The following ITGA9 variants were observed in gnomAD, a reference collection of about 807,000 sequenced individuals.
ITGA9 encodes the protein integrin subunit alpha 9.
Under a neutral mutation model 127.8 loss-of-function variants are expected in ITGA9, and 56 were observed. The ratio of observed to expected loss-of-function variants is 0.44; its 90% CI spans 0.35 to 0.55. The LOEUF (loss-of-function observed/expected upper bound fraction) is 0.55. Among genes scored for constraint, ITGA9 ranks in the 20% least tolerant of loss-of-function variants. The probability of loss-of-function intolerance (pLI) is 0.00; values close to 1 mark genes in which losing one functional copy is unlikely to be tolerated. For missense variants in ITGA9, 1,196 were observed against 1,347.1 expected (o/e 0.89, Z 1.76); for synonymous variants, 508 against 514.5 (o/e 0.99, Z 0.17).
chr3:37,719,239 C>G (rs915326008), intron 18 of ITGA9, among the ~76,000 whole-genome samples: 1 of 152,066 alleles, frequency 6.6e-6, no homozygotes, highest in Non-Finnish European at 1.5e-5. Flanking sequence ...GAAGTGGATA[C>G]CAGTTCTTTA....
chr3:37,770,051 G>T (rs1454080486), intron 23 of ITGA9, among the ~76,000 whole-genome samples: 2 of 152,148 alleles, frequency 1.3e-5, no homozygotes, highest in African/African-American at 4.8e-5. Flanking sequence ...CTGTAAAAAG[G>T]GGTGGAATTT....
At chr3:37,760,815 A>G (rs553628558) in intron 23 of ITGA9, among the ~76,000 whole-genome samples, 3 of 152,336 alleles carry the variant, frequency 2.0e-5, no homozygotes, top group Non-Finnish European at 2.9e-5. Flanking sequence ...ACAAATTTAA[A>G]CCTATAAAAA....
intron 15 of ITGA9, among the ~76,000 whole-genome samples, chr3:37,547,219 G>A (rs970526868): frequency 1.3e-5 from 2 of 152,212 alleles, no homozygotes; most frequent in African/African-American, 2.4e-5. Context: ...CTAGACGAGG[G>A]AATATGCACA....
chr3:37,812,181 TG>T (rs1407512378), intron 27 of ITGA9, among the ~76,000 whole-genome samples: 3 of 152,146 alleles, frequency 2.0e-5, no homozygotes, highest in Non-Finnish European at 4.4e-5. Context: ...TGACATTCAG[TG>T]GGGGCTTGTT....
chr3:37,471,857 C>T (rs916841926), intron 2 of ITGA9, among the ~76,000 whole-genome samples: 2 of 152,120 alleles, frequency 1.3e-5, no homozygotes, highest in African/African-American at 4.8e-5. Flanking sequence ...AGTTCAAGAC[C>T]AGCCTGTGCA....
chr3:37,564,789 C>A (rs1559537898), intron 15 of ITGA9, among the ~76,000 whole-genome samples: 1 of 152,230 alleles, frequency 6.6e-6, no homozygotes, highest in Non-Finnish European at 1.5e-5. Flanking sequence ...CACAGCAGAA[C>A]TCCCAGCCAG....
intron 3 of ITGA9, 40 bp downstream of exon 3, chr3:37,473,500 C>T: frequency 6.9e-7 from 1 of 1,444,680 alleles, no homozygotes; most frequent in Non-Finnish European, 9.7e-7. Flanking sequence ...GGGGGTGGCA[C>T]TCTGAGAATG....
intron 15 of ITGA9, among the ~76,000 whole-genome samples, chr3:37,563,051 C>G (rs1340947261): frequency 1.3e-5 from 2 of 151,978 alleles, no homozygotes; most frequent in Non-Finnish European, 2.9e-5. Flanking sequence ...ACTAATTGCC[C>G]AATAAATGTT....
intron 1 of ITGA9, among the ~76,000 whole-genome samples, chr3:37,465,003 A>G (rs189037717): frequency 2.6e-5 from 4 of 152,362 alleles, no homozygotes; most frequent in Admixed American, 2.6e-4. Flanking sequence ...AATTTGACTC[A>G]TGTAACCAAA....
chr3:37,591,239 A>G (rs2125615240), intron 15 of ITGA9, among the ~76,000 whole-genome samples: 1 of 152,330 alleles, frequency 6.6e-6, no homozygotes, highest in East Asian at 1.9e-4. Context: ...TGAAAACGAA[A>G]GCTATTGTTT....
chr3:37,768,870 T>C lies in ITGA9; in HGVS notation c.2542-8522T>C, dbSNP rs553820462. Among the ~76,000 whole-genome samples the C allele has an allele frequency of 2.0e-5, 3 of 152,194 alleles. No individual in the cohort carries two copies. The South Asian group carries it at 6.2e-4, about 32-fold the overall frequency. The stretch of plus-strand genomic sequence containing the variant: ...GGAACACTACTGTCATTCAGTTTGT[T>C]CCTCTGCTAATTTAATCTTCCATTT... On this transcript the variant is annotated intron_variant, in intron 23 of 27. Coordinates refer to ENST00000264741, the MANE Select transcript of ITGA9 (RefSeq NM_002207.3).
chr3:37,563,316 A>G (rs1010534468), intron 15 of ITGA9, among the ~76,000 whole-genome samples: 1 of 152,212 alleles, frequency 6.6e-6, no homozygotes, highest in Non-Finnish European at 1.5e-5. Flanking sequence ...GAGATTGCCT[A>G]TCTACATTTT....
intron 3 of ITGA9, among the ~76,000 whole-genome samples, chr3:37,479,122 C>T (rs923721801): frequency 3.3e-5 from 5 of 152,118 alleles, no homozygotes; most frequent in Admixed American, 2.0e-4. Flanking sequence ...AACTGATTTA[C>T]CCACAAATTA....
At chr3:37,657,727 T>G (rs1160218135) in intron 17 of ITGA9, among the ~76,000 whole-genome samples, 1 of 152,112 alleles carries the variant, frequency 6.6e-6, no homozygotes, top group African/African-American at 2.4e-5. Context: ...TTTCTTGTCT[T>G]CTGCTAGCTT....
At position 37,621,957 on chromosome 3, in the gene ITGA9, C is replaced by G. The variant is rs1282498542; in HGVS notation, c.1690-7230C>G. Among the ~76,000 whole-genome samples the G allele has an allele frequency of 3.3e-5, 5 of 152,096 alleles. No individual in the cohort carries two copies. In the East Asian group the frequency reaches 9.6e-4, roughly 29 times the overall value. On this transcript the variant is annotated intron_variant, in intron 15 of 27. Transcript: ENST00000264741. ...CTTTGAATTCACCTGGTTTTTGGAG[C>G]TCTGTCAAGTCAATATTTATAACTG...
intron 17 of ITGA9, among the ~76,000 whole-genome samples, chr3:37,671,341 G>T (rs2125656571): frequency 6.6e-6 from 1 of 152,342 alleles, no homozygotes; most frequent in Admixed American, 6.5e-5. Flanking sequence ...AGACTGAGCT[G>T]CCTTGAGGGA....
At chr3:37,560,464 C>G (rs1484283429) in intron 15 of ITGA9, among the ~76,000 whole-genome samples, 2 of 152,176 alleles carry the variant, frequency 1.3e-5, no homozygotes, top group East Asian at 1.9e-4. Context: ...TGGGTATATA[C>G]CCAGTAATGG....
chr3:37,536,880 A>C (rs1294550487), intron 14 of ITGA9, among the ~76,000 whole-genome samples: 2 of 152,226 alleles, frequency 1.3e-5, no homozygotes, highest in African/African-American at 2.4e-5. Context: ...CCTGGGAGTA[A>C]CTGCAGGAAG....
chr3:37,610,625 A>G (rs1412815262), intron 15 of ITGA9, among the ~76,000 whole-genome samples: 1 of 150,934 alleles, frequency 6.6e-6, no homozygotes, highest in Admixed American at 6.6e-5. Flanking sequence ...AGATAATATC[A>G]GATAACCTAT....
Sources: allele counts gnomAD v4.1 joint callset (sites outside exome capture counted in the v4.1 genomes callset), GRCh38; gene constraint gnomAD v4.1.1; transcripts MANE v1.5; gene names NCBI Gene and HGNC (gene_info 2026-07-23, HGNC 2026-07-21).